The following HIPK1 variants were observed in gnomAD, a reference collection of about 807,000 sequenced individuals.
HIPK1 encodes the protein homeodomain interacting protein kinase 1.
A neutral mutation model predicts 117.1 loss-of-function variants in HIPK1; 28 were observed. The ratio of observed to expected loss-of-function variants is 0.24; its 90% CI spans 0.18 to 0.33. The LOEUF (loss-of-function observed/expected upper bound fraction) is 0.33. Among genes scored for constraint, HIPK1 ranks in the 10% least tolerant of loss-of-function variants. HIPK1 has a pLI of 1.00. For synonymous variants in HIPK1, 605 were observed against 562.5 expected, an observed-to-expected ratio of 1.08 and a Z score of -1.07; for missense variants, 1,122 against 1,475.1, an observed-to-expected ratio of 0.76 and a Z score of 3.92.
Position 113,941,784 on chromosome 1 carries a change from G to C in HIPK1, c.1076+325G>C, listed in dbSNP as rs113810746. 6.6e-5 allele frequency among the ~76,000 whole-genome samples: 10 copies of C among 152,100 alleles called. No homozygotes were observed. Among genetic ancestry groups the C allele is most frequent in the African/African-American group, 2.2e-4 (9 of 41,502 alleles). On this transcript the variant is annotated intron_variant, in intron 2 of 15. Coordinates refer to ENST00000426820, the MANE Select transcript of HIPK1 (RefSeq NM_198268.3). This position sits in a 1 kb window ranked among gnomAD's most constrained non-coding sequence, Gnocchi z 4.9. ...TTATTTATTTATTTATTTAGAGACA[G>C]AATCTCGCTCTGTCGCCCAGGCTGG... is the stretch of plus-strand genomic sequence containing the variant.
chr1:113,952,349 C>A (rs1295126200), intron 2 of HIPK1, among the ~76,000 whole-genome samples: 3 of 152,040 alleles, frequency 2.0e-5, no homozygotes, highest in Non-Finnish European at 2.9e-5. Context: ...AGAAAGCTCT[C>A]ATAAATGAAA....
At chr1:113,961,998 GA>G (rs1347438127) in intron 8 of HIPK1, among the ~76,000 whole-genome samples, 4 of 139,672 alleles carry the variant, frequency 2.9e-5, no homozygotes, top group African/African-American at 1.1e-4. Context: ...ACTAAGTGAA[GA>G]TTTTTTTGTT....
chr1:113,971,471 C>T (rs1254220432), intron 14 of HIPK1, among the ~76,000 whole-genome samples: 1 of 152,228 alleles, frequency 6.6e-6, no homozygotes, highest in Non-Finnish European at 1.5e-5. Flanking sequence ...CTCAGCTTCA[C>T]ATTATCATTT....
At chr1:113,950,014 G>A (rs138667961) in intron 2 of HIPK1, among the ~76,000 whole-genome samples, 117 of 152,208 alleles carry the variant, frequency 7.7e-4, no homozygotes, top group African/African-American at 2.6e-3. Flanking sequence ...GGCCTGGGTC[G>A]ACTGCTATTT....
chr1:113,952,726 GT>G (rs369231621), intron 2 of HIPK1, 39 bp from the exon 3 acceptor site: 54,532 of 926,660 alleles, frequency 0.059, 1 homozygote, highest in South Asian at 0.07. Context: ...CCCAAATAAT[GT>G]TTTTTTTTTT....
chr1:113,959,320 A>G (rs1191470871), intron 8 of HIPK1, among the ~76,000 whole-genome samples: 2 of 152,064 alleles, frequency 1.3e-5, no homozygotes, highest in African/African-American at 2.4e-5. Context: ...GATTACCAGG[A>G]GGACAGGAGA....
At chr1:113,951,793 A>C (rs1047962649) in intron 2 of HIPK1, among the ~76,000 whole-genome samples, 3 of 152,192 alleles carry the variant, frequency 2.0e-5, no homozygotes, top group Non-Finnish European at 2.9e-5. Context: ...ATATACCTGC[A>C]GCTATTAAAT....
chr1:113,952,909 T>C lies in HIPK1; in HGVS notation c.1200+20T>C. The C allele has an allele frequency of 1.4e-6, 2 of 1,468,278 alleles. No homozygotes were observed. The highest frequency in any genetic ancestry group is 1.8e-6 in the Non-Finnish European group (2 of 1,108,018). 91.0% of individuals were successfully genotyped at this position (1,468,278 alleles called of 1,614,324 possible). A position where few individuals can be genotyped will look rare whatever the true frequency, so the allele number is the denominator to read the frequency against. On this transcript the variant is annotated intron_variant, in intron 3 of 15. Transcript: ENST00000426820. ...GATCAGGTAAAAGTGTTTATTTGAATGGAAATAGAATGCAAATAGTTACTT... is the reference window on the plus strand; with the variant it reads ...GATCAGGTAAAAGTGTTTATTTGAACGGAAATAGAATGCAAATAGTTACTT...
At chr1:113,960,848 T>C (rs1328021398) in intron 8 of HIPK1, among the ~76,000 whole-genome samples, 3 of 152,146 alleles carry the variant, frequency 2.0e-5, no homozygotes, top group Non-Finnish European at 4.4e-5. Context: ...CAACTTGTTA[T>C]TAAATTACTC....
intron 1 of HIPK1, among the ~76,000 whole-genome samples, chr1:113,939,199 G>A (rs987876700): frequency 2.6e-5 from 4 of 151,722 alleles, no homozygotes; most frequent in Non-Finnish European, 5.9e-5. Context: ...CTTTCACCCT[G>A]GCTGGAGTGC....
At position 113,967,787 on chromosome 1, in the gene HIPK1, C is replaced by T. The variant is rs1377640409; in HGVS notation, c.2403C>T (p.Asn801=). 1 of 1,552,200 alleles carries T rather than the reference C, an allele frequency of 6.4e-7. No individual in the cohort carries two copies. Among genetic ancestry groups the T allele is most frequent in the Non-Finnish European group, 8.7e-7 (1 of 1,153,550 alleles). ...ACAGGAATGCCCACTCTCATGGCAA[C>T]CAGTACAGCACTATCATGCAGCAGC... ...ADWRNAHSHG[N]QYSTIMQQPS... Residue 801 remains asparagine (N), a synonymous_variant, in exon 12 of 16, where the codon AAC becomes AAT. Coordinates refer to ENST00000426820, the MANE Select transcript of HIPK1 (RefSeq NM_198268.3).
At chr1:113,938,925 A>AT (rs1422815479) in intron 1 of HIPK1, among the ~76,000 whole-genome samples, 48 of 25,976 alleles carry the variant, frequency 1.8e-3, no homozygotes, top group African/African-American at 3.9e-3. Flanking sequence ...AAAAAAAAAA[A>AT]AAATACACAC....
At chr1:113,954,558 C>A in intron 3 of HIPK1, 93 bp from the exon 4 acceptor site, 4 of 1,331,812 alleles carry the variant, frequency 3.0e-6, no homozygotes, top group Non-Finnish European at 4.2e-6. Context: ...TTGATTTCTT[C>A]CTTTGCCTAA....
chr1:113,938,211 C>G (rs1670376057), intron 1 of HIPK1, among the ~76,000 whole-genome samples: 1 of 150,992 alleles, frequency 6.6e-6, no homozygotes, highest in African/African-American at 2.4e-5. Flanking sequence ...CTCAAGTGAT[C>G]CTTCCACCTT....
Position 113,973,176 on chromosome 1 carries a change from C to T in HIPK1, c.3297C>T (p.Ala1099=), listed in dbSNP as rs1672954914. The part of the protein sequence containing the change: ...PLHSTGHPHL[A]PAPAHLPSQA... ...ACTCGACAGGGCACCCACACCTTGC[C>T]CCGGCCCCTGCTCACCTGCCAAGCC... The change falls in exon 16 of 16, where the codon GCC becomes GCT. Residue 1099 remains alanine, a synonymous_variant. Coordinates refer to ENST00000426820, the MANE Select transcript of HIPK1 (RefSeq NM_198268.3). The T allele has an allele frequency of 1.9e-6, 3 of 1,610,522 alleles. No homozygotes were observed. The highest frequency in any genetic ancestry group is 2.2e-5 in the South Asian group (2 of 90,394).
At position 113,973,273 on chromosome 1, in the gene HIPK1, C is replaced by A. The variant is rs1359866214; in HGVS notation, c.3394C>A (p.Leu1132Ile). 6.2e-6 allele frequency: 10 copies of A among 1,614,036 alleles called. No homozygotes were observed. The highest frequency in any genetic ancestry group is 8.5e-6 in the Non-Finnish European group (10 of 1,180,036). ...GGGCTCAACCAGCTCCATTGCTCAT[C>A]TTTTCTCCCCACAGGGTTCCTCAAG... The part of the protein sequence containing the change: ...ALGSTSSIAH[L>I]FSPQGSSRHA... The change falls in exon 16 of 16, where the codon CTT becomes ATT. Residue 1132 changes from leucine to isoleucine, a missense_variant. Coordinates refer to ENST00000426820, the MANE Select transcript of HIPK1 (RefSeq NM_198268.3).
intron 14 of HIPK1, among the ~76,000 whole-genome samples, chr1:113,970,933 C>T (rs1300555328): frequency 6.6e-6 from 1 of 152,184 alleles, no homozygotes; most frequent in African/African-American, 2.4e-5. Context: ...GAATGCTTCT[C>T]ACATGGCCCC....
chr1:113,929,932 C>T (rs1669734284), intron 1 of HIPK1: 2 of 985,300 alleles, frequency 2.0e-6, no homozygotes, highest in Non-Finnish European at 2.4e-6. Flanking sequence ...GAACCAGACA[C>T]ACCGGCGGTG....
intron 1 of HIPK1, among the ~76,000 whole-genome samples, chr1:113,936,554 T>C (rs188548685): frequency 6.6e-6 from 1 of 152,194 alleles, no homozygotes; most frequent in Non-Finnish European, 1.5e-5. Flanking sequence ...AACCTCTGCC[T>C]CCCGGATTCA....
Sources: allele counts gnomAD v4.1 joint callset (sites outside exome capture counted in the v4.1 genomes callset), GRCh38; gene constraint gnomAD v4.1.1; non-coding constraint Gnocchi (gnomAD v3.1); transcripts MANE v1.5; gene names NCBI Gene and HGNC (gene_info 2026-07-23, HGNC 2026-07-21).